Variants in SHTN1 observed in about 807,000 individuals in gnomAD.
SHTN1 encodes the protein shootin-1.
A neutral mutation model predicts 83.1 loss-of-function variants in SHTN1; 42 were observed. The ratio of observed to expected loss-of-function variants is 0.51; its 90% CI spans 0.39 to 0.65. The LOEUF is 0.65. Among genes scored for constraint, SHTN1 ranks in the 30% least tolerant of loss-of-function variants. The pLI is 0.00. For synonymous variants in SHTN1, 224 were observed against 247.7 expected, an observed-to-expected ratio of 0.90 and a Z score of 0.90; for missense variants, 622 against 737.8, an observed-to-expected ratio of 0.84 and a Z score of 1.82.
At chr10:117,040,410 T>C (rs1180143991) in intron 2 of SHTN1, among the ~76,000 whole-genome samples, 1 of 152,152 alleles carries the variant, frequency 6.6e-6, no homozygotes. Context: ...TGAAATTCAA[T>C]AGCAAAAAGA....
chr10:116,970,656 G>A (rs1417959422), intron 2 of SHTN1, among the ~76,000 whole-genome samples: 1 of 151,238 alleles, frequency 6.6e-6, no homozygotes, highest in African/African-American at 2.4e-5. Flanking sequence ...GGAGGTTGCA[G>A]TGAGCCAAGA....
chr10:117,104,086 G>A (rs1363612993), intron 1 of SHTN1, among the ~76,000 whole-genome samples: 1 of 152,148 alleles, frequency 6.6e-6, no homozygotes, highest in Non-Finnish European at 1.5e-5. Flanking sequence ...TCAGAACGAG[G>A]AGTCAAATAC....
At chr10:117,086,636 C>A (rs570671377) in intron 1 of SHTN1, among the ~76,000 whole-genome samples, 87 of 152,182 alleles carry the variant, frequency 5.7e-4, no homozygotes, top group Non-Finnish European at 9.1e-4. Context: ...GAAACTGGAA[C>A]CCTCATACAG....
intron 6 of SHTN1, among the ~76,000 whole-genome samples, chr10:116,949,253 T>G (rs1186676645): frequency 1.3e-5 from 2 of 152,116 alleles, no homozygotes; most frequent in African/African-American, 4.8e-5. Context: ...AACATAACAG[T>G]ATGCTAGCCA....
upstream of SHTN1, chr10:117,005,632 C>T (rs562330050): frequency 1.1e-3 from 1,047 of 975,760 alleles, no homozygotes; most frequent in Non-Finnish European, 1.2e-3. Flanking sequence ...ACTCTGGGGG[C>T]GCGGTTGCAA....
chr10:116,891,949 T>A (rs1253634351), intron 16 of SHTN1, among the ~76,000 whole-genome samples: 1 of 152,186 alleles, frequency 6.6e-6, no homozygotes. Flanking sequence ...CACTTCTATT[T>A]GTGGAAAAAG....
Position 116,884,263 on chromosome 10 carries a change from T to C in SHTN1, c.*2081A>G. 1 of 459,330 alleles carries C rather than the reference T, an allele frequency of 2.2e-6. No individual in the cohort carries two copies. The highest frequency in any genetic ancestry group is 1.5e-5 in the South Asian group (1 of 64,644). 28.5% of individuals were successfully genotyped at this position (459,330 alleles called of 1,614,324 possible). On this transcript the variant is annotated 3_prime_UTR_variant, in exon 17 of 17. Coordinates refer to ENST00000355371, the MANE Select transcript of SHTN1 (RefSeq NM_001127211.3). ...GGATCCCTTGCTTTGGTTGACAGTG[T>C]CACCCCAGCCAGGGGCAAAACCCCC... is the stretch of plus-strand genomic sequence containing the variant.
intron 1 of SHTN1, among the ~76,000 whole-genome samples, chr10:116,981,127 T>C (rs1205983932): frequency 5.3e-5 from 8 of 152,172 alleles, no homozygotes. Context: ...AAGACCAGCC[T>C]GGCCAACACA....
intron 1 of SHTN1, among the ~76,000 whole-genome samples, chr10:117,104,541 C>T (rs1178297698): frequency 1.3e-5 from 2 of 152,090 alleles, no homozygotes; most frequent in Admixed American, 6.5e-5. Context: ...GAGGCCGAGG[C>T]AGGCGGATCA....
At chr10:116,975,812 C>T (rs1439619012) in intron 2 of SHTN1, among the ~76,000 whole-genome samples, 1 of 152,144 alleles carries the variant, frequency 6.6e-6, no homozygotes, top group African/African-American at 2.4e-5. Flanking sequence ...TATACAAGTA[C>T]ACACATACAT....
chr10:117,059,074 C>T (rs1428716439), intron 1 of SHTN1, among the ~76,000 whole-genome samples: 1 of 152,020 alleles, frequency 6.6e-6, no homozygotes, highest in Admixed American at 6.5e-5. Flanking sequence ...AGCTGTACAA[C>T]AATATGAAGG....
At chr10:117,005,191 G>A (rs1417599864), upstream of SHTN1, 3 of 1,533,542 alleles carry the variant, frequency 2.0e-6, no homozygotes, top group African/African-American at 1.4e-5. Flanking sequence ...CTACCCGGAA[G>A]TTGGATCCGC....
At chr10:117,087,227 C>T (rs1448005887) in intron 1 of SHTN1, among the ~76,000 whole-genome samples, 1 of 152,106 alleles carries the variant, frequency 6.6e-6, no homozygotes, top group Non-Finnish European at 1.5e-5. Context: ...TATGAATGTA[C>T]TTAATGTCAC....
At chr10:116,921,380 T>C (rs1255357677) in intron 12 of SHTN1, 54 bp downstream of exon 12, 8 of 1,277,344 alleles carry the variant, frequency 6.3e-6, no homozygotes, top group Admixed American at 3.6e-5. Context: ...AATATGTGAA[T>C]TGCCCCAAAA....
chr10:116,914,986 C>T (rs74159009), intron 13 of SHTN1, among the ~76,000 whole-genome samples: 8,882 of 152,212 alleles, frequency 0.058, 825 homozygotes, highest in African/African-American at 0.19. Context: ...CGAGGGTTTT[C>T]GCCTATTTTG....
At chr10:116,996,860 G>C (rs1048544175) in intron 1 of SHTN1, among the ~76,000 whole-genome samples, 3 of 152,010 alleles carry the variant, frequency 2.0e-5, no homozygotes, top group Non-Finnish European at 4.4e-5. Context: ...CTTCCCCTTT[G>C]CCAATCACTT....
At chr10:116,974,159 G>A in intron 2 of SHTN1, 1 of 1,039,710 alleles carries the variant, frequency 9.6e-7, no homozygotes. Flanking sequence ...CAAATTCTAG[G>A]TATTGTGTGT....
chr10:117,092,448 C>T (rs1481074893), intron 1 of SHTN1, among the ~76,000 whole-genome samples: 2 of 152,184 alleles, frequency 1.3e-5, no homozygotes, highest in African/African-American at 4.8e-5. Context: ...AGGAGTAAAT[C>T]CCTGTGTGTT....
intron 4 of SHTN1, among the ~76,000 whole-genome samples, chr10:116,955,158 C>G (rs1849938004): frequency 6.9e-6 from 1 of 145,498 alleles, no homozygotes; most frequent in African/African-American, 2.6e-5. Flanking sequence ...TATTCCCGGA[C>G]AGGGAAATGA....
Sources: gnomAD v4.1 joint callset for allele counts (sites outside exome capture counted in the v4.1 genomes callset) on GRCh38, gnomAD v4.1.1 for gene constraint, MANE v1.5 for transcripts, NCBI Gene and HGNC (gene_info 2026-07-23, HGNC 2026-07-21) for gene names.